The following GABBR2 variants were observed in gnomAD, a reference collection of about 807,000 sequenced individuals.
The protein encoded by GABBR2 is G-protein coupled receptor 51.
GABBR2 carries 23 observed loss-of-function variants against 105.6 expected under a neutral mutation model. The ratio of observed to expected loss-of-function variants is 0.22; its 90% CI spans 0.16 to 0.31. The LOEUF (loss-of-function observed/expected upper bound fraction) is 0.31, where lower values mean the gene tolerates loss of function less well. Ranked by LOEUF, GABBR2 falls within the 10% of genes least tolerant of loss-of-function variation. The pLI is 1.00. For synonymous variants in GABBR2, 478 were observed against 499.7 expected (o/e 0.96, Z 0.58); for missense variants, 734 against 1,245.5 (o/e 0.59, Z 6.18).
chr9:98,671,505 G>A (rs1830406835), intron 1 of GABBR2, among the ~76,000 whole-genome samples: 1 of 152,124 alleles, frequency 6.6e-6, no homozygotes, highest in South Asian at 2.1e-4. Flanking sequence ...ATTTCTCTTG[G>A]ATACATACCT....
At chr9:98,599,418 C>G (rs573656210) in intron 1 of GABBR2, among the ~76,000 whole-genome samples, 15 of 152,218 alleles carry the variant, frequency 9.9e-5, no homozygotes, top group Non-Finnish European at 1.8e-4. Flanking sequence ...ACCTTGGGTC[C>G]TCTCAACCTG....
chr9:98,702,399 C>A (rs895233553), intron 1 of GABBR2, among the ~76,000 whole-genome samples: 1 of 152,150 alleles, frequency 6.6e-6, no homozygotes, highest in Non-Finnish European at 1.5e-5. Flanking sequence ...CCCATCACCG[C>A]TCCCTTCAAC....
intron 1 of GABBR2, among the ~76,000 whole-genome samples, chr9:98,590,450 T>C (rs1405018878): frequency 1.3e-5 from 2 of 152,238 alleles, no homozygotes; most frequent in Non-Finnish European, 2.9e-5. Context: ...ATTACCCAAT[T>C]TACAAAATGT....
At chr9:98,694,221 G>A (rs1199175331) in intron 1 of GABBR2, among the ~76,000 whole-genome samples, 1 of 152,124 alleles carries the variant, frequency 6.6e-6, no homozygotes, top group Non-Finnish European at 1.5e-5. Context: ...CACCCAACTA[G>A]CAACCCCCCA....
chr9:98,515,326 C>A (rs181982486), intron 3 of GABBR2, among the ~76,000 whole-genome samples: 1 of 152,136 alleles, frequency 6.6e-6, no homozygotes, highest in African/African-American at 2.4e-5. Context: ...AGCTTCAGGC[C>A]GCTCCATAAG....
intron 13 of GABBR2, among the ~76,000 whole-genome samples, chr9:98,333,592 T>C (rs1047357277): frequency 4.6e-5 from 7 of 152,182 alleles, no homozygotes; most frequent in African/African-American, 1.7e-4. Context: ...AGGACACCTG[T>C]CATCGAGTTT....
chr9:98,690,601 C>A (rs903304663), intron 1 of GABBR2, among the ~76,000 whole-genome samples: 1 of 152,252 alleles, frequency 6.6e-6, no homozygotes, highest in Middle Eastern at 3.4e-3. Context: ...AGAAGGAAAG[C>A]CATTCTGCAT....
intron 1 of GABBR2, among the ~76,000 whole-genome samples, chr9:98,639,209 T>A (rs1290891636): frequency 6.6e-6 from 1 of 152,106 alleles, no homozygotes; most frequent in African/African-American, 2.4e-5. Flanking sequence ...CCAGAGCACA[T>A]TGAAGGAGAT....
At chr9:98,705,516 C>G (rs1830882133) in intron 1 of GABBR2, among the ~76,000 whole-genome samples, 2 of 152,190 alleles carry the variant, frequency 1.3e-5, no homozygotes, top group Admixed American at 1.3e-4. Context: ...GTCAGCAAAT[C>G]CAGCCAAAAT....
intron 3 of GABBR2, among the ~76,000 whole-genome samples, chr9:98,499,513 C>G (rs1363606094): frequency 1.3e-5 from 2 of 152,182 alleles, no homozygotes; most frequent in Non-Finnish European, 2.9e-5. Flanking sequence ...ATGCTCACCT[C>G]AAGTATTTAT....
At position 98,453,345 on chromosome 9, in the gene GABBR2, T is replaced by C. The variant is rs1826268106; in HGVS notation, c.1236+636A>G. 2.0e-5 allele frequency among the ~76,000 whole-genome samples: 3 copies of C among 152,202 alleles called. No individual in the cohort carries two copies. The South Asian group carries it at 6.2e-4, about 32-fold the overall frequency. ...CCGGCCTCTATGCCCTTTCTTTCTT[T>C]TTCTTTTCTTTTTTTCAGAACAGAA... On this transcript the variant is annotated intron_variant, in intron 7 of 18. Coordinates refer to ENST00000259455, the MANE Select transcript of GABBR2 (RefSeq NM_005458.8).
intron 7 of GABBR2, among the ~76,000 whole-genome samples, chr9:98,437,944 T>C (rs1298401511): frequency 1.3e-5 from 2 of 149,996 alleles, no homozygotes; most frequent in African/African-American, 2.5e-5. Context: ...ACCTAAATGC[T>C]CATCCATTCA....
chr9:98,678,360 T>C (rs1318651706), intron 1 of GABBR2, among the ~76,000 whole-genome samples: 1 of 152,184 alleles, frequency 6.6e-6, no homozygotes, highest in Non-Finnish European at 1.5e-5. Flanking sequence ...CTTATTTACT[T>C]AGAAAGCAAG....
At chr9:98,347,867 G>A (rs1164189786) in intron 13 of GABBR2, among the ~76,000 whole-genome samples, 2 of 152,080 alleles carry the variant, frequency 1.3e-5, no homozygotes, top group Non-Finnish European at 2.9e-5. Flanking sequence ...ATTGAATCAT[G>A]GGGGCAATTT....
intron 1 of GABBR2, among the ~76,000 whole-genome samples, chr9:98,665,369 C>A (rs12002737): frequency 0.19 from 28,778 of 152,078 alleles, 3,024 homozygotes; most frequent in South Asian, 0.27. Context: ...ACTAAGAAGA[C>A]CTCTTCAGGT....
chr9:98,323,654 C>T (rs1830865454), intron 13 of GABBR2, among the ~76,000 whole-genome samples: 1 of 152,228 alleles, frequency 6.6e-6, no homozygotes, highest in Non-Finnish European at 1.5e-5. Flanking sequence ...GCATCCCTCC[C>T]ACCCAGGCCT....
chr9:98,347,781 G>A lies in GABBR2; in HGVS notation c.1893+14934C>T, dbSNP rs961519274. Among the ~76,000 whole-genome samples the A allele has an allele frequency of 1.2e-4, 19 of 152,022 alleles. No individual in the cohort carries two copies. The East Asian group carries it at 3.5e-3, about 28-fold the overall frequency. On this transcript the variant is annotated intron_variant, in intron 13 of 18. Coordinates refer to ENST00000259455, the MANE Select transcript of GABBR2 (RefSeq NM_005458.8). ...GAGAAATAGGGGTTGATATGGTTTGGTTCTGTGTCCCCACCCAAATCTCAC... is the reference window on the plus strand; with the variant it reads ...GAGAAATAGGGGTTGATATGGTTTGATTCTGTGTCCCCACCCAAATCTCAC...
chr9:98,468,339 C>G (rs1211601173), intron 6 of GABBR2, among the ~76,000 whole-genome samples: 1 of 152,076 alleles, frequency 6.6e-6, no homozygotes, highest in Non-Finnish European at 1.5e-5. Context: ...TTTTCTGTGA[C>G]TTTGTCTATC....
intron 1 of GABBR2, among the ~76,000 whole-genome samples, chr9:98,649,341 C>T (rs1354990802): frequency 6.6e-6 from 1 of 152,148 alleles, no homozygotes; most frequent in Non-Finnish European, 1.5e-5. Flanking sequence ...ATTGAAGCAT[C>T]CTGGAATTTC....
Sources: gnomAD v4.1 joint callset for allele counts (sites outside exome capture counted in the v4.1 genomes callset) on GRCh38, gnomAD v4.1.1 for gene constraint, MANE v1.5 for transcripts, NCBI Gene and HGNC (gene_info 2026-07-23, HGNC 2026-07-21) for gene names.